The following LYN variants were observed in gnomAD, a reference collection of about 807,000 sequenced individuals.
LYN encodes the protein tyrosine-protein kinase Lyn.
In LYN, 12 loss-of-function variants were observed where a neutral mutation model predicts 65.0. The observed-to-expected ratio is 0.18, with a 90% CI of 0.12 to 0.30. LYN has a LOEUF of 0.30. Among genes scored for constraint, LYN ranks in the 10% least tolerant of loss-of-function variants. The pLI is 1.00. For missense variants in LYN, 380 were observed against 623.2 expected (o/e 0.61, Z 4.16); for synonymous variants, 222 against 221.2 (o/e 1.00, Z -0.03).
chr8:56,004,228 G>A (rs1057095768), intron 12 of LYN, among the ~76,000 whole-genome samples: 5 of 149,970 alleles, frequency 3.3e-5, no homozygotes, highest in African/African-American at 9.8e-5. Flanking sequence ...CACCGCACCC[G>A]GCCTAAATAT....
intron 2 of LYN, among the ~76,000 whole-genome samples, chr8:55,944,116 A>G (rs1336398364): frequency 1.3e-5 from 2 of 152,198 alleles, no homozygotes; most frequent in Admixed American, 6.5e-5. Context: ...TAAAGAGTGG[A>G]TATATCATGC....
chr8:55,950,583 G>C (rs1563525154), intron 5 of LYN, 26 bp downstream of exon 5: 1 of 1,600,028 alleles, frequency 6.2e-7, no homozygotes, highest in Non-Finnish European at 8.6e-7. Context: ...TTGTCATCTT[G>C]GTGGCTTTAT....
intron 1 of LYN, among the ~76,000 whole-genome samples, chr8:55,914,252 G>A (rs1805724403): frequency 6.6e-6 from 1 of 152,046 alleles, no homozygotes; most frequent in Non-Finnish European, 1.5e-5. Flanking sequence ...GAGTGGAGAA[G>A]AGATTGAGGA....
At chr8:56,004,859 A>T (rs1808630807) in intron 12 of LYN, among the ~76,000 whole-genome samples, 1 of 152,102 alleles carries the variant, frequency 6.6e-6, no homozygotes, top group Non-Finnish European at 1.5e-5. Flanking sequence ...ATCATAGCTC[A>T]CTGTAGCCTT....
intron 1 of LYN, among the ~76,000 whole-genome samples, chr8:55,905,071 T>C (rs1346831286): frequency 6.6e-6 from 1 of 152,136 alleles, no homozygotes; most frequent in Non-Finnish European, 1.5e-5. Flanking sequence ...ATGAGAATCA[T>C]TTTACTAGAT....
intron 1 of LYN, among the ~76,000 whole-genome samples, chr8:55,911,098 T>TATATATATATATATATATACAC (rs1162508957): frequency 1.7e-4 from 2 of 11,692 alleles, no homozygotes; most frequent in African/African-American, 6.9e-4. Context: ...TATATATATA[T>TATATATATATATATATATACAC]ACATACACGT....
chr8:55,913,880 C>T (rs1161306906), intron 1 of LYN, among the ~76,000 whole-genome samples: 2 of 152,134 alleles, frequency 1.3e-5, no homozygotes, highest in African/African-American at 2.4e-5. Context: ...CCTTGGAGTA[C>T]TGGGCTTTCT....
intron 1 of LYN, among the ~76,000 whole-genome samples, chr8:55,895,037 C>A (rs1258500268): frequency 6.6e-6 from 1 of 152,130 alleles, no homozygotes; most frequent in African/African-American, 2.4e-5. Flanking sequence ...TGGTCTTGAA[C>A]TCCTGGTCTC....
intron 1 of LYN, among the ~76,000 whole-genome samples, chr8:55,921,336 A>G (rs1056722586): frequency 6.6e-6 from 1 of 152,226 alleles, no homozygotes; most frequent in Admixed American, 6.5e-5. Context: ...TCTGCAAAGA[A>G]GCGGGATAGA....
intron 1 of LYN, among the ~76,000 whole-genome samples, chr8:55,901,218 C>G (rs1266015960): frequency 6.6e-6 from 1 of 152,078 alleles, no homozygotes; most frequent in East Asian, 1.9e-4. Context: ...GAATAGTTCT[C>G]CGATTAGAAT....
At chr8:55,994,349 A>T (rs1222544951) in intron 10 of LYN, among the ~76,000 whole-genome samples, 1 of 152,168 alleles carries the variant, frequency 6.6e-6, no homozygotes, top group Non-Finnish European at 1.5e-5. Context: ...TGAACGCTTT[A>T]ATTACTGTTT....
At chr8:55,919,530 G>A (rs1339984003) in intron 1 of LYN, among the ~76,000 whole-genome samples, 1 of 152,182 alleles carries the variant, frequency 6.6e-6, no homozygotes, top group Non-Finnish European at 1.5e-5. Context: ...GCCACAGGCT[G>A]GGGTTTGAAG....
chr8:55,950,102 C>T (rs939576202), intron 4 of LYN, among the ~76,000 whole-genome samples: 1 of 152,218 alleles, frequency 6.6e-6, no homozygotes, highest in Non-Finnish European at 1.5e-5. Flanking sequence ...TCTCTCAGCA[C>T]TCCATTCCTT....
intron 12 of LYN, among the ~76,000 whole-genome samples, chr8:56,000,079 T>G (rs529695357): frequency 5.9e-5 from 9 of 152,338 alleles, no homozygotes; most frequent in African/African-American, 1.9e-4. Flanking sequence ...GTTCTTGTTC[T>G]GCACTGATTA....
intron 10 of LYN, among the ~76,000 whole-genome samples, chr8:55,983,519 TC>T (rs1177781496): frequency 6.6e-6 from 1 of 151,882 alleles, no homozygotes; most frequent in African/African-American, 2.4e-5. Flanking sequence ...ATGCTCAGTT[TC>T]CCCCAGTTCT....
rs76032475 is a variant in LYN, at chr8:55,991,641, C to T, written c.1051-6705C>T. 3.0e-3 allele frequency among the ~76,000 whole-genome samples: 452 copies of T among 152,184 alleles called. 1 individual carries two copies. Among genetic ancestry groups the T allele is most frequent in the African/African-American group, 0.01 (429 of 41,500 alleles). On this transcript the variant is annotated intron_variant, in intron 10 of 12. Transcript: ENST00000519728. The stretch of plus-strand genomic sequence containing the variant: ...TCTCTGACCCAGTAGTTCTGTGCCT[C>T]CTCCCAGGACAGCAGTGGGCTCAGC...
intron 10 of LYN, among the ~76,000 whole-genome samples, chr8:55,990,638 G>T (rs529470060): frequency 1.3e-5 from 2 of 152,276 alleles, no homozygotes; most frequent in South Asian, 4.2e-4. Context: ...CTAAAGTCTG[G>T]TTGGAATTTG....
At chr8:55,958,378 T>G (rs753400659) in intron 8 of LYN, among the ~76,000 whole-genome samples, 1 of 152,210 alleles carries the variant, frequency 6.6e-6, no homozygotes, top group African/African-American at 2.4e-5. Context: ...TTTATACAAA[T>G]TTTTACTTTT....
At chr8:55,994,700 G>C (rs921608554) in intron 10 of LYN, among the ~76,000 whole-genome samples, 1 of 152,196 alleles carries the variant, frequency 6.6e-6, no homozygotes, top group African/African-American at 2.4e-5. Context: ...TGGGACTTCA[G>C]CCAGCTTTGG....
Sources: gnomAD v4.1 joint callset for allele counts (sites outside exome capture counted in the v4.1 genomes callset) on GRCh38, gnomAD v4.1.1 for gene constraint, MANE v1.5 for transcripts, NCBI Gene and HGNC (gene_info 2026-07-23, HGNC 2026-07-21) for gene names.